The following SLC44A5 variants were observed in gnomAD, a reference collection of about 807,000 sequenced individuals.
SLC44A5 encodes choline transporter-like protein 5.
A neutral mutation model predicts 101.8 loss-of-function variants in SLC44A5; 57 were observed. The observed-to-expected ratio is 0.56, with a 90% CI of 0.45 to 0.70. The LOEUF (loss-of-function observed/expected upper bound fraction) is 0.70. Ranked by LOEUF, SLC44A5 falls within the 30% of genes least tolerant of loss-of-function variation. SLC44A5 has a pLI of 0.00. For missense variants in SLC44A5, 737 were observed against 853.1 expected, an observed-to-expected ratio of 0.86 and a Z score of 1.70; for synonymous variants, 281 against 290.9, an observed-to-expected ratio of 0.97 and a Z score of 0.35.
rs901803229 is a variant in SLC44A5 at position 75,484,123 on chromosome 1, G to C, written c.13+57312C>G. Among the ~76,000 whole-genome samples the C allele has an allele frequency of 2.0e-5, 3 of 152,250 alleles. No individual in the cohort carries two copies. The South Asian group carries it at 6.2e-4, about 32-fold the overall frequency. On this transcript the variant is annotated intron_variant, in intron 2 of 23. Transcript: ENST00000370859. ...GTCCCTGGCCCCTCCAAAATCTCATGTCCTTTTCACATTTCAATATCAATC... is the reference window on the plus strand; with the variant it reads ...GTCCCTGGCCCCTCCAAAATCTCATCTCCTTTTCACATTTCAATATCAATC...
chr1:75,441,636 A>C (rs577444475), intron 2 of SLC44A5, among the ~76,000 whole-genome samples: 15 of 152,252 alleles, frequency 9.9e-5, no homozygotes, highest in Non-Finnish European at 1.5e-4. Flanking sequence ...TACATTGTGT[A>C]CAAGTAACAC....
intron 7 of SLC44A5, 62 bp from the exon 8 acceptor site, chr1:75,243,073 A>AAGCT: frequency 6.6e-7 from 1 of 1,506,018 alleles, no homozygotes; most frequent in Non-Finnish European, 8.8e-7. Context: ...ACTACCTATA[A>AAGCT]AGCTAGACTT....
At chr1:75,632,562 A>C in the SLC44A5 span, among the ~76,000 whole-genome samples, 9 of 151,990 alleles carry the variant, frequency 5.9e-5, no homozygotes, top group Admixed American at 3.9e-4. Flanking sequence ...CCATTCTAGA[A>C]ACTGCACCTT....
At chr1:75,684,581 T>G in the SLC44A5 span, among the ~76,000 whole-genome samples, 7 of 152,196 alleles carry the variant, frequency 4.6e-5, no homozygotes, top group African/African-American at 1.7e-4. Flanking sequence ...ACAGGCCCCA[T>G]GCAAGTCCAA....
chr1:75,369,914 C>G (rs1195504309), intron 3 of SLC44A5, among the ~76,000 whole-genome samples: 1 of 152,204 alleles, frequency 6.6e-6, no homozygotes, highest in Non-Finnish European at 1.5e-5. Flanking sequence ...TTACTGCTTA[C>G]AGCTCATCTT....
At chr1:75,700,933 T>A in the SLC44A5 span, among the ~76,000 whole-genome samples, 1 of 152,158 alleles carries the variant, frequency 6.6e-6, no homozygotes, top group African/African-American at 2.4e-5. Flanking sequence ...CCTGGAGACA[T>A]ACAGCCTCCC....
intron 12 of SLC44A5, among the ~76,000 whole-genome samples, chr1:75,228,218 CATTT>C (rs546137420): frequency 2.3e-3 from 353 of 152,102 alleles, no homozygotes; most frequent in African/African-American, 8.0e-3. Flanking sequence ...TATGATTATC[CATTT>C]ATTTATTTAT....
chr1:75,589,225 T>C (rs941188314), intron 1 of SLC44A5, among the ~76,000 whole-genome samples: 4 of 152,200 alleles, frequency 2.6e-5, no homozygotes, highest in Admixed American at 2.0e-4. Context: ...AAAAGCAGCA[T>C]TGGACTAAAA....
At chr1:75,440,719 T>C (rs1186363321) in intron 2 of SLC44A5, among the ~76,000 whole-genome samples, 1 of 152,028 alleles carries the variant, frequency 6.6e-6, no homozygotes, top group Non-Finnish European at 1.5e-5. Context: ...CACGGTGCCA[T>C]GTACAAGGGT....
chr1:75,396,091 A>C (rs1662105402), intron 3 of SLC44A5, among the ~76,000 whole-genome samples: 1 of 152,166 alleles, frequency 6.6e-6, no homozygotes, highest in African/African-American at 2.4e-5. Context: ...TCCAACTCCC[A>C]GGTCCTACTC....
chr1:75,350,014 G>A (rs775591826), intron 3 of SLC44A5, among the ~76,000 whole-genome samples: 2 of 152,040 alleles, frequency 1.3e-5, no homozygotes, highest in Non-Finnish European at 2.9e-5. Flanking sequence ...CACAACATAA[G>A]ATGATATATA....
chr1:75,625,748 T>C, the SLC44A5 span, among the ~76,000 whole-genome samples: 33 of 152,218 alleles, frequency 2.2e-4, no homozygotes, highest in Middle Eastern at 3.4e-3. Context: ...GGTAGTCTAG[T>C]CCCCCAGTTA....
intron 21 of SLC44A5, 50 bp from the exon 22 acceptor site, chr1:75,213,843 AG>A (rs755863173): frequency 6.5e-7 from 1 of 1,535,262 alleles, no homozygotes; most frequent in South Asian, 1.2e-5. Context: ...AAAAGAATAT[AG>A]TTTTTTGTAG....
chr1:75,602,737 A>G lies in SLC44A5; in HGVS notation c.-70+8303T>C, dbSNP rs1430187863. On this transcript the variant is annotated intron_variant, in intron 1 of 23. Coordinates refer to ENST00000370859, the MANE Select transcript of SLC44A5 (RefSeq NM_001130058.2). ...AAATGTGTTTTTCACTTCGAAAAAA[A>G]GTATTTCAAAGTGAAAGGTGCTGTT... is the stretch of plus-strand genomic sequence containing the variant. Among the ~76,000 whole-genome samples, 5 of 152,244 alleles carry G rather than the reference A, an allele frequency of 3.3e-5. No individual in the cohort carries two copies. In the East Asian group the frequency reaches 7.7e-4, roughly 24 times the overall value.
chr1:75,658,029 A>T, the SLC44A5 span, among the ~76,000 whole-genome samples: 2 of 152,302 alleles, frequency 1.3e-5, no homozygotes, highest in East Asian at 3.9e-4. Context: ...CTCATTGGAC[A>T]TGGAACATTC....
chr1:75,716,053 T>A, the SLC44A5 span, among the ~76,000 whole-genome samples: 2 of 152,030 alleles, frequency 1.3e-5, no homozygotes, highest in African/African-American at 4.8e-5. Context: ...AACAAGCATA[T>A]GAAAAAATGT....
the SLC44A5 span, among the ~76,000 whole-genome samples, chr1:75,670,162 C>T: frequency 6.6e-6 from 1 of 151,980 alleles, no homozygotes; most frequent in Non-Finnish European, 1.5e-5. Flanking sequence ...AGAAAATAGT[C>T]ATATTTCTAA....
At chr1:75,591,876 C>G (rs1054792314) in intron 1 of SLC44A5, among the ~76,000 whole-genome samples, 4 of 151,066 alleles carry the variant, frequency 2.6e-5, no homozygotes, top group African/African-American at 9.7e-5. Flanking sequence ...AGAAGGAACA[C>G]AACTCAACAG....
At chr1:75,215,050 G>A (rs1158816201) in intron 19 of SLC44A5, among the ~76,000 whole-genome samples, 1 of 152,080 alleles carries the variant, frequency 6.6e-6, no homozygotes, top group Non-Finnish European at 1.5e-5. Context: ...TACTCTTAAG[G>A]AAACCCAATA....
Sources: allele counts gnomAD v4.1 joint callset (sites outside exome capture counted in the v4.1 genomes callset), GRCh38; gene constraint gnomAD v4.1.1; transcripts MANE v1.5; gene names NCBI Gene and HGNC (gene_info 2026-07-23, HGNC 2026-07-21).